The following PRKG1 variants were observed in gnomAD, a reference collection of about 807,000 sequenced individuals.
PRKG1 encodes the protein cGMP-dependent protein kinase 1.
A neutral mutation model predicts 88.1 loss-of-function variants in PRKG1; 35 were observed. The observed-to-expected ratio is 0.40, with a 90% CI of 0.30 to 0.53. PRKG1 has a LOEUF of 0.53. Ranked by LOEUF, PRKG1 falls within the 20% of genes least tolerant of loss-of-function variation. The pLI is 0.59. For missense variants in PRKG1, 540 were observed against 839.8 expected (o/e 0.64, Z 4.41); for synonymous variants, 303 against 292.5 (o/e 1.04, Z -0.37).
intron 1 of PRKG1, among the ~76,000 whole-genome samples, chr10:51,140,799 G>T (rs1344321653): frequency 2.0e-5 from 3 of 152,064 alleles, no homozygotes; most frequent in Non-Finnish European, 1.5e-5. Flanking sequence ...TGCAGAGTGT[G>T]TGTCCAGCAA....
At chr10:51,786,849 A>C (rs1468287967) in intron 3 of PRKG1, among the ~76,000 whole-genome samples, 1 of 152,122 alleles carries the variant, frequency 6.6e-6, no homozygotes, top group East Asian at 1.9e-4. Flanking sequence ...GATCCTTACC[A>C]CTTAGTCATA....
At chr10:51,659,158 T>C (rs755714349) in intron 3 of PRKG1, among the ~76,000 whole-genome samples, 3 of 152,184 alleles carry the variant, frequency 2.0e-5, no homozygotes, top group Admixed American at 6.6e-5. Flanking sequence ...GCTTTTTATA[T>C]AATTCAAGTA....
At chr10:51,210,483 A>G (rs1265219640) in intron 2 of PRKG1, among the ~76,000 whole-genome samples, 1 of 152,162 alleles carries the variant, frequency 6.6e-6, no homozygotes, top group Non-Finnish European at 1.5e-5. Context: ...AACTGAAGGA[A>G]ATAGAGACAC....
At chr10:52,094,039 T>G (rs541354812) in intron 7 of PRKG1, among the ~76,000 whole-genome samples, 1 of 152,214 alleles carries the variant, frequency 6.6e-6, no homozygotes, top group South Asian at 2.1e-4. Context: ...GCAAGCACCT[T>G]GAGATGTATA....
At chr10:51,417,211 G>A (rs544226811) in intron 2 of PRKG1, among the ~76,000 whole-genome samples, 2 of 152,238 alleles carry the variant, frequency 1.3e-5, no homozygotes, top group Admixed American at 1.3e-4. Context: ...TTATTCAAAA[G>A]AAGGTCTGTT....
chr10:51,154,673 A>G (rs1250997132), intron 2 of PRKG1, among the ~76,000 whole-genome samples: 1 of 151,980 alleles, frequency 6.6e-6, no homozygotes, highest in African/African-American at 2.4e-5. Flanking sequence ...TTTAAGTAGT[A>G]ATTTCTATCA....
chr10:52,052,424 A>AAAGAAT (rs1554797363), intron 5 of PRKG1, among the ~76,000 whole-genome samples: 1 of 150,138 alleles, frequency 6.7e-6, no homozygotes, highest in African/African-American at 2.4e-5. Flanking sequence ...AAAAAAAATA[A>AAAGAAT]AATAATAATA....
At chr10:51,128,295 T>C (rs937258099) in intron 1 of PRKG1, among the ~76,000 whole-genome samples, 2 of 152,168 alleles carry the variant, frequency 1.3e-5, no homozygotes, top group Non-Finnish European at 2.9e-5. Context: ...TATAGCAAAC[T>C]GTTCTCACAC....
intron 2 of PRKG1, among the ~76,000 whole-genome samples, chr10:51,270,785 C>G (rs1168496784): frequency 2.0e-5 from 3 of 152,178 alleles, no homozygotes; most frequent in Admixed American, 6.6e-5. Context: ...CCCTCCACTC[C>G]CTAGTTGTCA....
At chr10:52,119,186 GA>G (rs1214436040) in intron 7 of PRKG1, among the ~76,000 whole-genome samples, 1 of 152,000 alleles carries the variant, frequency 6.6e-6, no homozygotes, top group African/African-American at 2.4e-5. Flanking sequence ...AGTATCCTTG[GA>G]TTCAAGATGA....
intron 3 of PRKG1, among the ~76,000 whole-genome samples, chr10:51,585,931 A>C (rs1838160276): frequency 6.6e-6 from 1 of 152,136 alleles, no homozygotes; most frequent in South Asian, 2.1e-4. Context: ...AAACGGGTAC[A>C]CATGGCCGTA....
chr10:52,063,476 C>T (rs1846286248), intron 7 of PRKG1, among the ~76,000 whole-genome samples: 1 of 152,260 alleles, frequency 6.6e-6, no homozygotes, highest in Non-Finnish European at 1.5e-5. Context: ...GGCTGCAGCT[C>T]TTCTCTCCTT....
intron 3 of PRKG1, among the ~76,000 whole-genome samples, chr10:51,628,006 C>T (rs55833553): frequency 0.013 from 686 of 51,400 alleles, 21 homozygotes; most frequent in East Asian, 0.066. Context: ...CTCTCTCTCT[C>T]TCTCTTTCTT....
At chr10:51,734,527 G>A (rs137971253) in intron 3 of PRKG1, among the ~76,000 whole-genome samples, 47 of 152,192 alleles carry the variant, frequency 3.1e-4, no homozygotes, top group African/African-American at 1.1e-3. Flanking sequence ...TCAGTGTAAC[G>A]CTGCCCCAAA....
intron 8 of PRKG1, among the ~76,000 whole-genome samples, chr10:52,139,550 G>A (rs1837518375): frequency 1.3e-5 from 2 of 152,084 alleles, no homozygotes; most frequent in African/African-American, 4.8e-5. Flanking sequence ...CCATGCTCTG[G>A]GATAGGAAGA....
intron 1 of PRKG1, among the ~76,000 whole-genome samples, chr10:51,042,382 A>G (rs1843435579): frequency 6.6e-6 from 1 of 152,166 alleles, no homozygotes; most frequent in Non-Finnish European, 1.5e-5. Flanking sequence ...CTAATTTCTT[A>G]TTATGACCTA....
At chr10:51,075,833 T>C (rs941323878) in intron 1 of PRKG1, among the ~76,000 whole-genome samples, 7 of 152,162 alleles carry the variant, frequency 4.6e-5, no homozygotes, top group Non-Finnish European at 7.3e-5. Flanking sequence ...AACACTCAAC[T>C]CAGAGTTCAT....
chr10:52,102,557 T>C (rs1456953733), intron 7 of PRKG1, among the ~76,000 whole-genome samples: 1 of 132,254 alleles, frequency 7.6e-6, no homozygotes, highest in South Asian at 2.5e-4. Context: ...ACTGAGCCAA[T>C]CACGAAAATC....
intron 2 of PRKG1, among the ~76,000 whole-genome samples, chr10:51,232,879 A>G (rs940608656): frequency 4.6e-5 from 7 of 152,160 alleles, no homozygotes; most frequent in Non-Finnish European, 1.0e-4. Flanking sequence ...ATTTCTAGCT[A>G]TGATTAGTTA....
Sources: gnomAD v4.1 joint callset for allele counts (sites outside exome capture counted in the v4.1 genomes callset) on GRCh38, gnomAD v4.1.1 for gene constraint, MANE v1.5 for transcripts, NCBI Gene and HGNC (gene_info 2026-07-23, HGNC 2026-07-21) for gene names.